SATB2: variants seen among roughly 807,000 people sequenced by gnomAD.
The protein encoded by SATB2 is DNA-binding protein SATB2.
Under a neutral mutation model 73.4 loss-of-function variants are expected in SATB2, and 1 was observed. That is an observed-to-expected ratio of 0.01 (90% CI 0.00 to 0.06). SATB2 has a LOEUF of 0.06. Among genes scored for constraint, SATB2 ranks in the 10% least tolerant of loss-of-function variants. SATB2 has a pLI of 1.00. For missense variants in SATB2, 459 were observed against 945.8 expected (o/e 0.49, Z 6.75); for synonymous variants, 397 against 367.0 (o/e 1.08, Z -0.93).
intron 6 of SATB2, among the ~76,000 whole-genome samples, chr2:199,354,652 C>G (rs961418606): frequency 6.6e-6 from 1 of 152,136 alleles, no homozygotes; most frequent in Non-Finnish European, 1.5e-5. Flanking sequence ...AGGGACCTTC[C>G]AGATAAACAG....
chr2:199,386,432 A>ACAGCCTCTT (rs1173268641), intron 3 of SATB2, among the ~76,000 whole-genome samples: 1 of 152,200 alleles, frequency 6.6e-6, no homozygotes, highest in African/African-American at 2.4e-5. Flanking sequence ...TACAATTACA[A>ACAGCCTCTT]CAGCCTCTTC....
intron 2 of SATB2, among the ~76,000 whole-genome samples, chr2:199,448,805 C>T (rs893376043): frequency 1.1e-4 from 17 of 151,992 alleles, no homozygotes; most frequent in African/African-American, 4.1e-4. Flanking sequence ...ATTTTTTGAT[C>T]TTTTTTGTTA....
intron 3 of SATB2, among the ~76,000 whole-genome samples, chr2:199,432,356 C>T (rs369812100): frequency 6.6e-6 from 1 of 152,176 alleles, no homozygotes; most frequent in African/African-American, 2.4e-5. Flanking sequence ...AACTTTATAT[C>T]AATGTTTAAT....
chr2:199,291,089 C>T (rs565449797), intron 10 of SATB2, among the ~76,000 whole-genome samples: 2 of 152,258 alleles, frequency 1.3e-5, no homozygotes, highest in East Asian at 3.9e-4. Flanking sequence ...CACTGAATGT[C>T]TTGTCCAAAA....
intron 9 of SATB2, among the ~76,000 whole-genome samples, chr2:199,320,895 A>C (rs945986663): frequency 2.6e-5 from 4 of 152,164 alleles, no homozygotes; most frequent in Non-Finnish European, 4.4e-5. Context: ...TGGAGGGGTC[A>C]TATAAATTTC....
chr2:199,315,573 C>G (rs985569302), intron 9 of SATB2, among the ~76,000 whole-genome samples: 1 of 152,040 alleles, frequency 6.6e-6, no homozygotes, highest in Non-Finnish European at 1.5e-5. Flanking sequence ...GCTTTCTCTT[C>G]CCCAGGACAC....
intron 5 of SATB2, among the ~76,000 whole-genome samples, chr2:199,376,519 G>A (rs1689610127): frequency 6.6e-6 from 1 of 152,200 alleles, no homozygotes; most frequent in Admixed American, 6.5e-5. Flanking sequence ...GTGGCATCTA[G>A]TGGGTAATGG....
chr2:199,347,280 G>GT (rs1231824432), intron 7 of SATB2: 2 of 152,170 alleles, frequency 1.3e-5, no homozygotes, highest in African/African-American at 4.8e-5. Flanking sequence ...CATCTACAGC[G>GT]TGTGTTATCA....
At chr2:199,349,707 G>T (rs1688757748) in intron 6 of SATB2, among the ~76,000 whole-genome samples, 1 of 152,040 alleles carries the variant, frequency 6.6e-6, no homozygotes, top group African/African-American at 2.4e-5. Flanking sequence ...TGACTCACTT[G>T]CTATCTTTTT....
chr2:199,458,794 C>T (rs1311457446), upstream of SATB2: 1 of 372,808 alleles, frequency 2.7e-6, no homozygotes. Context: ...TCCGCCCCTC[C>T]GAGCAACTTT....
In SATB2 at chr2:199,272,180, G is replaced by T. The variant is rs779055301; in HGVS notation, c.*31C>A. On this transcript the variant is annotated 3_prime_UTR_variant, in exon 11 of 11. Coordinates refer to ENST00000417098, the MANE Select transcript of SATB2 (RefSeq NM_001172509.2). This position sits in a 1 kb window ranked among gnomAD's most constrained non-coding sequence, Gnocchi z 6.7. Reference sequence around the variant, plus strand: ...AATGAAAGCAGAAAATCCTTGGACCGATGTATTGCTTTGCCTAGTAGAAGT... The same window carrying T: ...AATGAAAGCAGAAAATCCTTGGACCTATGTATTGCTTTGCCTAGTAGAAGT... 1.2e-5 allele frequency: 19 copies of T among 1,576,754 alleles called. No homozygotes were observed. Among genetic ancestry groups the T allele is most frequent in the Non-Finnish European group, 1.6e-5 (18 of 1,146,920 alleles).
chr2:199,402,584 T>C (rs1290777285), intron 3 of SATB2, among the ~76,000 whole-genome samples: 6 of 152,100 alleles, frequency 3.9e-5, no homozygotes, highest in Admixed American at 3.9e-4. Flanking sequence ...AAATATTTGA[T>C]CCATTATCAC....
chr2:199,393,238 G>A (rs1186886539), intron 3 of SATB2, among the ~76,000 whole-genome samples: 1 of 152,102 alleles, frequency 6.6e-6, no homozygotes, highest in Non-Finnish European at 1.5e-5. Flanking sequence ...GATGGTAGAG[G>A]CTCACAGATA....
chr2:199,376,132 A>G (rs1043745077), intron 5 of SATB2, among the ~76,000 whole-genome samples: 2 of 152,204 alleles, frequency 1.3e-5, no homozygotes, highest in African/African-American at 4.8e-5. Context: ...CATATCCATG[A>G]TAGCTGAAAA....
chr2:199,345,089 A>C (rs1373197263), intron 7 of SATB2, among the ~76,000 whole-genome samples: 2 of 151,418 alleles, frequency 1.3e-5, no homozygotes, highest in African/African-American at 4.9e-5. Context: ...ACCTGCCCCC[A>C]TCTCCTGGCA....
intron 3 of SATB2, among the ~76,000 whole-genome samples, chr2:199,420,891 T>A (rs1416231753): frequency 2.0e-5 from 3 of 152,174 alleles, no homozygotes; most frequent in African/African-American, 7.2e-5. Flanking sequence ...TTCTTTCACA[T>A]AAATTGATAT....
rs778215591 is a variant in SATB2, at chr2:199,388,381, CT to C, written c.347-6562del. 1.1e-4 allele frequency among the ~76,000 whole-genome samples: 16 copies of C among 152,282 alleles called. No homozygotes were observed. In the East Asian group the frequency reaches 2.9e-3, roughly 28 times the overall value. On this transcript the variant is annotated intron_variant, in intron 3 of 10. Transcript: ENST00000417098. ...TAAGCCAAGATGATAGCTTTTACCC[CT>C]GTACCTTAAATATGAGAAATATTTA...
At chr2:199,385,537 A>G (rs1449274607) in intron 3 of SATB2, among the ~76,000 whole-genome samples, 1 of 151,994 alleles carries the variant, frequency 6.6e-6, no homozygotes, top group Non-Finnish European at 1.5e-5. Flanking sequence ...TGTACCTCCA[A>G]TTTCTCCATC....
At chr2:199,319,259 A>G (rs2105783071) in intron 9 of SATB2, among the ~76,000 whole-genome samples, 1 of 152,260 alleles carries the variant, frequency 6.6e-6, no homozygotes, top group African/African-American at 2.4e-5. Flanking sequence ...TCCTGACTTT[A>G]GTGGCAGTTC....
Sources: allele counts gnomAD v4.1 joint callset (sites outside exome capture counted in the v4.1 genomes callset), GRCh38; gene constraint gnomAD v4.1.1; non-coding constraint Gnocchi (gnomAD v3.1); transcripts MANE v1.5; gene names NCBI Gene and HGNC (gene_info 2026-07-23, HGNC 2026-07-21).